Variants in PCDH15 observed in about 807,000 individuals in gnomAD.
The protein encoded by PCDH15 is protocadherin-15.
PCDH15 carries 129 observed loss-of-function variants against 178.5 expected under a neutral mutation model. The observed-to-expected ratio is 0.72, with a 90% CI of 0.63 to 0.84. The LOEUF (loss-of-function observed/expected upper bound fraction) is 0.84. Among genes scored for constraint, PCDH15 ranks in the 40% least tolerant of loss-of-function variants. PCDH15 has a pLI of 0.00. For missense variants in PCDH15, 2,230 were observed against 2,099.9 expected (o/e 1.06, Z -1.21); for synonymous variants, 800 against 732.0 (o/e 1.09, Z -1.50).
At chr10:55,005,325 T>C (rs1839902595) in intron 2 of PCDH15, among the ~76,000 whole-genome samples, 1 of 151,856 alleles carries the variant, frequency 6.6e-6, no homozygotes, top group Non-Finnish European at 1.5e-5. Context: ...GAATTATATT[T>C]CTACATAAAT....
intron 2 of PCDH15, among the ~76,000 whole-genome samples, chr10:54,563,670 A>T (rs1590136164): frequency 6.6e-6 from 1 of 152,152 alleles, no homozygotes; most frequent in Non-Finnish European, 1.5e-5. Flanking sequence ...TTTAAAGGAC[A>T]TCACCTTGCC....
chr10:55,146,106 C>G (rs1309824499), intron 2 of PCDH15, among the ~76,000 whole-genome samples: 2 of 151,942 alleles, frequency 1.3e-5, no homozygotes, highest in African/African-American at 4.8e-5. Context: ...TTTGGCTGTG[C>G]CAAGCACTAC....
At chr10:55,048,664 T>TA (rs1024859147) in intron 2 of PCDH15, among the ~76,000 whole-genome samples, 2 of 151,960 alleles carry the variant, frequency 1.3e-5, no homozygotes, top group African/African-American at 4.8e-5. Context: ...AAGCCATTTT[T>TA]ACAAAGAGTT....
chr10:54,450,679 C>A (rs1362845947), intron 3 of PCDH15, among the ~76,000 whole-genome samples: 1 of 151,442 alleles, frequency 6.6e-6, no homozygotes, highest in Non-Finnish European at 1.5e-5. Flanking sequence ...ATAGCGTTAC[C>A]CACAAAGGGA....
At chr10:54,216,984 C>T (rs4935105) in intron 9 of PCDH15, among the ~76,000 whole-genome samples, 132,646 of 152,090 alleles carry the variant, frequency 0.87, 57,998 homozygotes, top group East Asian at 0.98. Flanking sequence ...AATTTGGAAA[C>T]AAGGGCCTAT....
At chr10:55,492,183 A>T (rs916808826) in intron 2 of PCDH15, among the ~76,000 whole-genome samples, 1 of 151,724 alleles carries the variant, frequency 6.6e-6, no homozygotes, top group African/African-American at 2.4e-5. Context: ...TCACAAGGGA[A>T]TCTATAAGCT....
intron 2 of PCDH15, among the ~76,000 whole-genome samples, chr10:55,121,904 G>A (rs1263043098): frequency 6.6e-6 from 1 of 152,138 alleles, no homozygotes; most frequent in Non-Finnish European, 1.5e-5. Flanking sequence ...GCTCAGAGCT[G>A]TGAGAAATAA....
intron 2 of PCDH15, among the ~76,000 whole-genome samples, chr10:55,614,696 G>T (rs1229897223): frequency 6.6e-6 from 1 of 152,010 alleles, no homozygotes; most frequent in African/African-American, 2.4e-5. Flanking sequence ...TGTTAAAGTG[G>T]TTTGGTCACT....
At chr10:55,194,533 G>A (rs991513072) in intron 1 of PCDH15, among the ~76,000 whole-genome samples, 5 of 151,994 alleles carry the variant, frequency 3.3e-5, no homozygotes, top group African/African-American at 1.2e-4. Context: ...AGTTTGTCTT[G>A]CTCCAAAATC....
chr10:55,094,806 G>A (rs1031558355), intron 2 of PCDH15, among the ~76,000 whole-genome samples: 2 of 151,434 alleles, frequency 1.3e-5, no homozygotes, highest in African/African-American at 4.9e-5. Flanking sequence ...AGTCCTTAAA[G>A]CAACCCAGTA....
At chr10:54,986,709 T>C (rs1030097260) in intron 2 of PCDH15, among the ~76,000 whole-genome samples, 2 of 152,172 alleles carry the variant, frequency 1.3e-5, no homozygotes, top group African/African-American at 4.8e-5. Context: ...GTTGTGTTCA[T>C]AATCACTGTT....
chr10:54,331,109 C>G (rs1252639076), intron 6 of PCDH15, among the ~76,000 whole-genome samples: 1 of 151,230 alleles, frequency 6.6e-6, no homozygotes, highest in Non-Finnish European at 1.5e-5. Context: ...AGTGTTCACA[C>G]CCTCAACTTA....
chr10:54,382,207 G>A (rs899909264), intron 3 of PCDH15, among the ~76,000 whole-genome samples: 5 of 151,956 alleles, frequency 3.3e-5, no homozygotes, highest in Admixed American at 6.6e-5. Flanking sequence ...CTCTAGGGAC[G>A]TTTTTTATAA....
At chr10:54,874,303 C>A (rs1358574622) in intron 3 of PCDH15, among the ~76,000 whole-genome samples, 1 of 146,684 alleles carries the variant, frequency 6.8e-6, no homozygotes, top group Non-Finnish European at 1.5e-5. Flanking sequence ...GGCATGAACT[C>A]ATCATTTTTT....
In PCDH15 at chr10:55,544,139, C is replaced by CATATATATATATATATATATATATAT. The variant is rs1176456895; in HGVS notation, c.-156+83460_-156+83485dup. On this transcript the variant is annotated intron_variant, in intron 2 of 5. Transcript: ENST00000613346. ...CAGTTTTCCTCAAATCTTATACATACATATATATATATATATATATATATA... is the reference window on the plus strand; with the variant it reads ...CAGTTTTCCTCAAATCTTATACATACATATATATATATATATATATATATATATATATATATATATATATATATATA... Among the ~76,000 whole-genome samples, 7 of 54,314 alleles carry CATATATATATATATATATATATATAT rather than the reference C, an allele frequency of 1.3e-4. 1 individual carries two copies. Among genetic ancestry groups the CATATATATATATATATATATATATAT allele is most frequent in the Non-Finnish European group, 2.4e-4 (7 of 28,926 alleles). The allele number at this position is 54,314 out of a possible 152,430, so 35.6% of individuals were successfully genotyped here. A position where few individuals can be genotyped will look rare whatever the true frequency, so the allele number is the denominator to read the frequency against.
intron 3 of PCDH15, among the ~76,000 whole-genome samples, chr10:54,503,593 G>C (rs1179472584): frequency 3.3e-5 from 5 of 151,622 alleles, no homozygotes; most frequent in Non-Finnish European, 7.4e-5. Context: ...ACTAAACCAA[G>C]AGATCTTTGG....
intron 15 of PCDH15, among the ~76,000 whole-genome samples, chr10:54,107,642 G>A (rs2094940661): frequency 6.6e-6 from 1 of 152,148 alleles, no homozygotes; most frequent in African/African-American, 2.4e-5. Flanking sequence ...AGGGTGAGTA[G>A]GGCATGCCCA....
At chr10:54,044,492 CCTCACCAGGCCAGAGT>C (rs1403064366) in intron 18 of PCDH15, among the ~76,000 whole-genome samples, 1 of 152,046 alleles carries the variant, frequency 6.6e-6, no homozygotes, top group African/African-American at 2.4e-5. Flanking sequence ...TGATGGCTCT[CCTCACCAGGCCAGAGT>C]AGAGGGTAGT....
chr10:54,561,660 A>G (rs2088180603), intron 2 of PCDH15, among the ~76,000 whole-genome samples: 1 of 152,112 alleles, frequency 6.6e-6, no homozygotes, highest in Non-Finnish European at 1.5e-5. Flanking sequence ...TCTCTAATAA[A>G]GCACTCCTAA....
Sources: gnomAD v4.1 joint callset for allele counts (sites outside exome capture counted in the v4.1 genomes callset) on GRCh38, gnomAD v4.1.1 for gene constraint, MANE v1.5 for transcripts, NCBI Gene and HGNC (gene_info 2026-07-23, HGNC 2026-07-21) for gene names.